Variants in LAMA2 observed in about 807,000 individuals in gnomAD.
LAMA2 encodes the protein laminin subunit alpha-2.
Under a neutral mutation model 364.8 loss-of-function variants are expected in LAMA2, and 269 were observed. The observed-to-expected ratio is 0.74, with a 90% CI of 0.67 to 0.82. The LOEUF (loss-of-function observed/expected upper bound fraction) is 0.82, where lower values mean the gene tolerates loss of function less well. Ranked by LOEUF, LAMA2 falls within the 40% of genes least tolerant of loss-of-function variation. The pLI is 0.00. For missense variants in LAMA2, 3,807 were observed against 3,873.2 expected, an observed-to-expected ratio of 0.98 and a Z score of 0.45; for synonymous variants, 1,379 against 1,370.6, an observed-to-expected ratio of 1.01 and a Z score of -0.14.
chr6:129,498,198 A>C (rs1219123120), intron 58 of LAMA2, among the ~76,000 whole-genome samples: 2 of 152,232 alleles, frequency 1.3e-5, no homozygotes, highest in African/African-American at 4.8e-5. Flanking sequence ...TAAAATGTGA[A>C]AACTAAGAAA....
intron 1 of LAMA2, among the ~76,000 whole-genome samples, chr6:128,960,651 C>T (rs1221094210): frequency 3.9e-5 from 6 of 152,216 alleles, no homozygotes; most frequent in East Asian, 1.9e-4. Flanking sequence ...TGAGCCACCA[C>T]GCCCAGCCGA....
At chr6:129,293,657 G>A (rs1227046162) in intron 20 of LAMA2, among the ~76,000 whole-genome samples, 2 of 151,994 alleles carry the variant, frequency 1.3e-5, no homozygotes, top group Non-Finnish European at 2.9e-5. Flanking sequence ...ACAAATGCTG[G>A]GGAAGAAGGA....
intron 1 of LAMA2, among the ~76,000 whole-genome samples, chr6:129,006,904 C>A (rs1784473675): frequency 6.6e-6 from 1 of 152,166 alleles, no homozygotes; most frequent in Non-Finnish European, 1.5e-5. Flanking sequence ...GCTATCCCAT[C>A]TGACTCTCTT....
chr6:129,201,756 G>T lies in LAMA2; in HGVS notation c.1782+8903G>T, dbSNP rs146727223. ...CAAAAACTACCAGGTACATAAACAA[G>T]CAGAGCATATAAGCCACTACCAGGA... On this transcript the variant is annotated intron_variant, in intron 12 of 64. Coordinates refer to ENST00000421865, the MANE Select transcript of LAMA2 (RefSeq NM_000426.4). Among the ~76,000 whole-genome samples the T allele has an allele frequency of 4.2e-3, 636 of 152,224 alleles. 8 individuals are homozygous for T. The highest frequency in any genetic ancestry group is 0.013 in the African/African-American group (536 of 41,524).
At chr6:129,437,787 A>G (rs1781906559) in intron 41 of LAMA2, among the ~76,000 whole-genome samples, 1 of 152,028 alleles carries the variant, frequency 6.6e-6, no homozygotes, top group Non-Finnish European at 1.5e-5. Context: ...TTTAATGCAT[A>G]CCTGAGTAAG....
intron 29 of LAMA2, among the ~76,000 whole-genome samples, chr6:129,338,046 T>C (rs1268537744): frequency 6.6e-6 from 1 of 152,152 alleles, no homozygotes; most frequent in Non-Finnish European, 1.5e-5. Context: ...CTCTGAAAGA[T>C]TGAGAAGATT....
intron 40 of LAMA2, among the ~76,000 whole-genome samples, chr6:129,416,333 G>T (rs1780788847): frequency 6.6e-6 from 1 of 152,064 alleles, no homozygotes; most frequent in South Asian, 2.1e-4. Flanking sequence ...ATTTTACTTA[G>T]TCTCTTGGTA....
chr6:128,995,971 T>C (rs753397853), intron 1 of LAMA2, among the ~76,000 whole-genome samples: 2 of 152,216 alleles, frequency 1.3e-5, no homozygotes, highest in Non-Finnish European at 2.9e-5. Flanking sequence ...TGATGATTTG[T>C]ATATGAATTC....
In LAMA2 at chr6:129,465,506, C is replaced by T. The variant is rs527609070; in HGVS notation, c.7300+217C>T. Among the ~76,000 whole-genome samples, 3 of 151,978 alleles carry T rather than the reference C, an allele frequency of 2.0e-5. No homozygotes were observed. The South Asian group carries it at 6.2e-4, about 31-fold the overall frequency. On this transcript the variant is annotated intron_variant, in intron 51 of 64. Coordinates refer to ENST00000421865, the MANE Select transcript of LAMA2 (RefSeq NM_000426.4). ...GCTTCTCTATCATTTTCTTTTGAAA[C>T]TGAGAGCTTAATTTGAAAGCATAAA...
chr6:129,411,668 G>T (rs1160890309), intron 40 of LAMA2, among the ~76,000 whole-genome samples: 1 of 150,522 alleles, frequency 6.6e-6, no homozygotes, highest in Non-Finnish European at 1.5e-5. Flanking sequence ...TGACAGATCA[G>T]TGAGGAGGAA....
chr6:129,103,910 T>C (rs1007001393), intron 4 of LAMA2, among the ~76,000 whole-genome samples: 5 of 152,150 alleles, frequency 3.3e-5, no homozygotes, highest in African/African-American at 1.2e-4. Context: ...TATTTTTCAC[T>C]AAGCATTGAA....
intron 2 of LAMA2, among the ~76,000 whole-genome samples, chr6:129,050,883 A>G (rs1787952977): frequency 6.6e-6 from 1 of 152,200 alleles, no homozygotes; most frequent in South Asian, 2.1e-4. Context: ...TATGAACCAC[A>G]GTGATACCTC....
intron 12 of LAMA2, among the ~76,000 whole-genome samples, chr6:129,216,211 CTTTATTG>C (rs1386792033): frequency 2.0e-5 from 3 of 152,074 alleles, no homozygotes; most frequent in African/African-American, 7.2e-5. Flanking sequence ...GAGATGGAAA[CTTTATTG>C]TTTATATTTT....
Position 129,427,744 on chromosome 6 carries a change from G to C in LAMA2, c.5866-8G>C. On this transcript the variant is annotated splice_polypyrimidine_tract_variant and splice_region_variant and intron_variant, in intron 40 of 64. Coordinates refer to ENST00000421865, the MANE Select transcript of LAMA2 (RefSeq NM_000426.4). Reference sequence around the variant, plus strand: ...TTAGATGTATGACATTTGTTTTTCTGTCCACAGGCAACAGGTCCTCGGGGT... The same window carrying C: ...TTAGATGTATGACATTTGTTTTTCTCTCCACAGGCAACAGGTCCTCGGGGT... 3 of 1,601,358 alleles carry C rather than the reference G, an allele frequency of 1.9e-6. No individual in the cohort carries two copies. The highest frequency in any genetic ancestry group is 1.1e-5 in the South Asian group (1 of 90,820).
In LAMA2 at chr6:129,505,341, C is replaced by A. The variant is rs750328754; in HGVS notation, c.8689C>A (p.Arg2897=). Residue 2897 remains arginine, a synonymous_variant, in exon 61 of 65, where the codon CGA becomes AGA. Transcript: ENST00000421865. ...VGGLPINYTT[R]RIGPVTYSID... Reference sequence around the variant, plus strand: ...TGGGTTACCCATCAACTACACTACCCGAAGAATTGGTCCAGTAAATATCTG... The same window carrying A: ...TGGGTTACCCATCAACTACACTACCAGAAGAATTGGTCCAGTAAATATCTG... 2 of 1,612,958 alleles carry A rather than the reference C, an allele frequency of 1.2e-6. No homozygotes were observed. Among genetic ancestry groups the A allele is most frequent in the East Asian group, 2.2e-5 (1 of 44,850 alleles).
chr6:129,391,790 A>G (rs1293868026), intron 36 of LAMA2, 137 bp downstream of exon 36: 1 of 690,990 alleles, frequency 1.4e-6, no homozygotes, highest in Non-Finnish European at 2.5e-6. Flanking sequence ...TATGTTATCT[A>G]TCATCTATCT....
At chr6:129,301,014 T>C in intron 22 of LAMA2, 142 bp downstream of exon 22, 2 of 757,944 alleles carry the variant, frequency 2.6e-6, no homozygotes, top group Non-Finnish European at 4.6e-6. Flanking sequence ...CAGATATTAA[T>C]CAATATCTTA....
In LAMA2 at chr6:129,098,332, A is replaced by G; in HGVS notation, c.556A>G (p.Thr186Ala). The G allele has an allele frequency of 1.9e-6, 3 of 1,614,016 alleles. No homozygotes were observed. Among genetic ancestry groups the G allele is most frequent in the East Asian group, 2.2e-5 (1 of 44,878 alleles). Residue 186 changes from threonine to alanine, a missense_variant, in exon 4 of 65, where the codon ACT becomes GCT. Thr to Ala is a moderately conservative substitution (Grantham distance 58). Around this residue, in one of 3 missense-constraint regions of LAMA2, gnomAD observed 394 missense variants for 403.5 expected, o/e 0.98. Transcript: ENST00000421865. ...AACGCTTTACAATATTTATCCCCGC[A>G]CTGGGCCACCGTCATATGCCAAAGA... ...CLTLYNIYPR[T>A]GPPSYAKDDE...
chr6:129,315,706 G>T, intron 25 of LAMA2, 51 bp downstream of exon 25: 1 of 1,611,626 alleles, frequency 6.2e-7, no homozygotes, highest in South Asian at 1.1e-5. Context: ...AATCTTTTTA[G>T]AATCACACCA....
Sources: allele counts gnomAD v4.1 joint callset (sites outside exome capture counted in the v4.1 genomes callset), GRCh38; gene constraint gnomAD v4.1.1; regional missense constraint gnomAD v4.1.1; transcripts MANE v1.5; gene names NCBI Gene and HGNC (gene_info 2026-07-23, HGNC 2026-07-21).